The following SLCO3A1 variants were observed in gnomAD, a reference collection of about 807,000 sequenced individuals.
SLCO3A1 encodes the protein PGE1 transporter.
A neutral mutation model predicts 63.1 loss-of-function variants in SLCO3A1; 27 were observed. The observed-to-expected ratio is 0.43, with a 90% CI of 0.32 to 0.59. The LOEUF (loss-of-function observed/expected upper bound fraction) is 0.59. Ranked by LOEUF, SLCO3A1 falls within the 20% of genes least tolerant of loss-of-function variation. SLCO3A1 has a pLI of 0.09. For missense variants in SLCO3A1, 773 were observed against 945.8 expected (o/e 0.82, Z 2.40); for synonymous variants, 473 against 409.9 (o/e 1.15, Z -1.86).
At chr15:92,045,180 T>G (rs1260028246) in intron 2 of SLCO3A1, among the ~76,000 whole-genome samples, 1 of 150,852 alleles carries the variant, frequency 6.6e-6, no homozygotes, top group Non-Finnish European at 1.5e-5. Flanking sequence ...CTCGGGAGGC[T>G]GAGGCAGGAA....
At chr15:92,059,235 G>A (rs868661599) in intron 2 of SLCO3A1, among the ~76,000 whole-genome samples, 1 of 152,192 alleles carries the variant, frequency 6.6e-6, no homozygotes, top group African/African-American at 2.4e-5. Context: ...CAAAGCCAGC[G>A]TGCTAGAACA....
chr15:91,979,289 C>T (rs1357111112), intron 2 of SLCO3A1, among the ~76,000 whole-genome samples: 2 of 152,118 alleles, frequency 1.3e-5, no homozygotes, highest in African/African-American at 4.8e-5. Context: ...GTTTCATATA[C>T]ACCTTATGCA....
chr15:92,049,792 TG>T (rs1404982672), intron 2 of SLCO3A1, among the ~76,000 whole-genome samples: 1 of 152,126 alleles, frequency 6.6e-6, no homozygotes, highest in African/African-American at 2.4e-5. Context: ...GGAAGACATC[TG>T]GGAGGAAATA....
chr15:91,998,510 G>A lies in SLCO3A1; in HGVS notation c.646+82052G>A, dbSNP rs1245629096. On this transcript the variant is annotated intron_variant, in intron 2 of 9. Coordinates refer to ENST00000318445, the MANE Select transcript of SLCO3A1 (RefSeq NM_013272.4). ...GAACAGACACTTCTCAAAAGAATAT[G>A]TACAAGCAACCAACAAATATATGAA... is the stretch of plus-strand genomic sequence containing the variant. 2.6e-5 allele frequency among the ~76,000 whole-genome samples: 4 copies of A among 151,920 alleles called. No individual in the cohort carries two copies. The East Asian group carries it at 7.7e-4, about 29-fold the overall frequency.
intron 2 of SLCO3A1, among the ~76,000 whole-genome samples, chr15:91,993,768 T>C (rs1015181550): frequency 1.1e-4 from 16 of 152,210 alleles, no homozygotes; most frequent in African/African-American, 3.9e-4. Context: ...TAATATGGAA[T>C]TAATGATTTG....
Position 92,086,231 on chromosome 15 carries a change from C to T in SLCO3A1, c.647-8650C>T, listed in dbSNP as rs1408269102. Among the ~76,000 whole-genome samples, 7 of 152,108 alleles carry T rather than the reference C, an allele frequency of 4.6e-5. No individual in the cohort carries two copies. In the South Asian group the frequency reaches 8.3e-4, roughly 18 times the overall value. On this transcript the variant is annotated intron_variant, in intron 2 of 9. Coordinates refer to ENST00000318445, the MANE Select transcript of SLCO3A1 (RefSeq NM_013272.4). ...TGCCAAGTTTTGCCAAGGTGTTGTCCAATTTACACTCCTACCAGCAGTGTA... is the reference window on the plus strand; with the variant it reads ...TGCCAAGTTTTGCCAAGGTGTTGTCTAATTTACACTCCTACCAGCAGTGTA...
At chr15:92,062,536 A>C (rs924637681) in intron 2 of SLCO3A1, among the ~76,000 whole-genome samples, 11 of 152,084 alleles carry the variant, frequency 7.2e-5, no homozygotes, top group Non-Finnish European at 1.2e-4. Flanking sequence ...AGAGAAGGCA[A>C]CTCTGTTGGC....
intron 2 of SLCO3A1, among the ~76,000 whole-genome samples, chr15:91,938,093 T>C (rs1899479343): frequency 6.6e-6 from 1 of 152,208 alleles, no homozygotes; most frequent in African/African-American, 2.4e-5. Flanking sequence ...ATTGCTCTTA[T>C]TATTGAAAGA....
intron 2 of SLCO3A1, among the ~76,000 whole-genome samples, chr15:92,088,769 A>C (rs1345210795): frequency 6.6e-6 from 1 of 152,134 alleles, no homozygotes; most frequent in Non-Finnish European, 1.5e-5. Flanking sequence ...CTGCCATCAC[A>C]TCCCCATTTC....
rs549592895 is a variant in SLCO3A1 at position 92,063,276 on chromosome 15, T to C, written c.647-31605T>C. Among the ~76,000 whole-genome samples, 3 of 152,286 alleles carry C rather than the reference T, an allele frequency of 2.0e-5. No homozygotes were observed. In the East Asian group the frequency reaches 5.8e-4, roughly 29 times the overall value. ...GATCGGGACCCCTTGTGCATAGATA[T>C]CCAGTTAAACCCATTTCAGTCCAAA... is the stretch of plus-strand genomic sequence containing the variant. On this transcript the variant is annotated intron_variant, in intron 2 of 9. Transcript: ENST00000318445.
Position 91,880,389 on chromosome 15 carries a change from C to CTGTGTGTGTGTGTG in SLCO3A1, c.180+26302_180+26303insGTGTGTGTGTGTGT, listed in dbSNP as rs1358208114. Among the ~76,000 whole-genome samples, 469 of 103,700 alleles carry CTGTGTGTGTGTGTG rather than the reference C, an allele frequency of 4.5e-3. 4 individuals are homozygous for CTGTGTGTGTGTGTG. The highest frequency in any genetic ancestry group is 0.025 in the African/African-American group (442 of 17,856). 68.0% of individuals were successfully genotyped at this position (103,700 alleles called of 152,430 possible). Reference sequence around the variant, plus strand: ...TTTACCGGCACTCGTGCTTCTCTCTCTCTCTCTCTCTCTCTCTCTCTGTGT... The same window carrying CTGTGTGTGTGTGTG: ...TTTACCGGCACTCGTGCTTCTCTCTCTGTGTGTGTGTGTGTCTCTCTCTCTCTCTCTCTCTGTGT... On this transcript the variant is annotated intron_variant, in intron 1 of 9. Coordinates refer to ENST00000318445, the MANE Select transcript of SLCO3A1 (RefSeq NM_013272.4).
rs148122860 is a variant in SLCO3A1, at chr15:92,163,961, C to G, written c.*826C>G. 1 of 985,300 alleles carries G rather than the reference C, an allele frequency of 1.0e-6. No homozygotes were observed. The highest frequency in any genetic ancestry group is 1.2e-6 in the Non-Finnish European group (1 of 829,950). 61.0% of individuals were successfully genotyped at this position (985,300 alleles called of 1,614,324 possible). ...AGGCCTCGCCTGGCTATGACTGACC[C>G]GGCTCAGAGCTGGTGAGACCCAACG... On this transcript the variant is annotated 3_prime_UTR_variant, in exon 10 of 10. Transcript: ENST00000318445.
intron 2 of SLCO3A1, among the ~76,000 whole-genome samples, chr15:92,025,848 A>G (rs1467553766): frequency 2.0e-5 from 3 of 152,172 alleles, no homozygotes; most frequent in Non-Finnish European, 4.4e-5. Flanking sequence ...AATGTTTCCC[A>G]AGGGTCCTTT....
chr15:91,878,987 T>C (rs1897476021), intron 1 of SLCO3A1, among the ~76,000 whole-genome samples: 1 of 152,218 alleles, frequency 6.6e-6, no homozygotes, highest in Non-Finnish European at 1.5e-5. Context: ...GCTCTTCTTA[T>C]CTAGGCATAA....
chr15:92,049,089 C>T (rs1253893492), intron 2 of SLCO3A1, among the ~76,000 whole-genome samples: 1 of 152,148 alleles, frequency 6.6e-6, no homozygotes, highest in East Asian at 1.9e-4. Context: ...ACGTCAAAAC[C>T]CATGATCTTA....
chr15:92,039,332 A>G (rs530146055), intron 2 of SLCO3A1, among the ~76,000 whole-genome samples: 1 of 152,230 alleles, frequency 6.6e-6, no homozygotes, highest in Non-Finnish European at 1.5e-5. Flanking sequence ...TACCCGTCTG[A>G]CAAAGATCTG....
intron 1 of SLCO3A1, among the ~76,000 whole-genome samples, chr15:91,855,839 G>C (rs1328425768): frequency 1.3e-5 from 2 of 152,148 alleles, no homozygotes; most frequent in Non-Finnish European, 2.9e-5. Flanking sequence ...ATCAACAGCT[G>C]CCTCCACTTT....
Position 92,165,366 on chromosome 15 carries a change from C to T in SLCO3A1, c.*2231C>T. On this transcript the variant is annotated 3_prime_UTR_variant, in exon 10 of 10. Coordinates refer to ENST00000318445, the MANE Select transcript of SLCO3A1 (RefSeq NM_013272.4). ...TTGTTCCTAAGGCTTTGATAATATC[C>T]TGTACAGATTTTGGTTTAGTTTTGC... The T allele has an allele frequency of 1.0e-6, 1 of 985,164 alleles. No homozygotes were observed. Among genetic ancestry groups the T allele is most frequent in the Non-Finnish European group, 1.2e-6 (1 of 829,696 alleles). The allele number at this position is 985,164 out of a possible 1,614,324, so 61.0% of individuals were successfully genotyped here.
Position 92,001,827 on chromosome 15 carries a change from C to CTTTTT in SLCO3A1, c.646+85391_646+85395dup, listed in dbSNP as rs59951621. On this transcript the variant is annotated intron_variant, in intron 2 of 9. Coordinates refer to ENST00000318445, the MANE Select transcript of SLCO3A1 (RefSeq NM_013272.4). ...GAAATCCATGGAAGTTGTGTGAGTT[C>CTTTTT]TTTTTTTTTTTTTTTTTTTTTTTTT... Among the ~76,000 whole-genome samples the CTTTTT allele has an allele frequency of 1.7e-3, 138 of 80,132 alleles. 7 individuals carry two copies. Among genetic ancestry groups the CTTTTT allele is most frequent in the Non-Finnish European group, 2.6e-3 (114 of 43,600 alleles). The allele number at this position is 80,132 out of a possible 152,430, so 52.6% of individuals were successfully genotyped here.
Sources: allele counts gnomAD v4.1 joint callset (sites outside exome capture counted in the v4.1 genomes callset), GRCh38; gene constraint gnomAD v4.1.1; transcripts MANE v1.5; gene names NCBI Gene and HGNC (gene_info 2026-07-23, HGNC 2026-07-21).